Variants in ZNF148 observed in about 807,000 individuals in gnomAD.
ZNF148 encodes zinc finger protein 148.
Under a neutral mutation model 67.7 loss-of-function variants are expected in ZNF148, and 7 were observed. The ratio of observed to expected loss-of-function variants is 0.10; its 90% confidence interval spans 0.06 to 0.19. The LOEUF (loss-of-function observed/expected upper bound fraction) is 0.19, where lower values mean the gene tolerates loss of function less well. Ranked by LOEUF, ZNF148 falls within the 10% of genes least tolerant of loss-of-function variation. The probability of loss-of-function intolerance (pLI) is 1.00; values close to 1 mark genes in which losing one functional copy is unlikely to be tolerated. For missense variants in ZNF148, 583 were observed against 947.1 expected (o/e 0.62, Z 5.05); for synonymous variants, 333 against 330.7 (o/e 1.01, Z -0.08).
At chr3:125,254,069 A>G (rs1197528737) in intron 7 of ZNF148, among the ~76,000 whole-genome samples, 2 of 152,160 alleles carry the variant, frequency 1.3e-5, no homozygotes, top group Non-Finnish European at 2.9e-5. Context: ...TTTAGATTCA[A>G]TGCATTTAGT....
chr3:125,317,713 ATTTTT>A (rs71625788), intron 3 of ZNF148, among the ~76,000 whole-genome samples: 3 of 134,580 alleles, frequency 2.2e-5, no homozygotes, highest in Non-Finnish European at 4.7e-5. Flanking sequence ...ATATATATAT[ATTTTT>A]TTTTTTTTCT....
chr3:125,260,717 T>C (rs1266125617), intron 7 of ZNF148, among the ~76,000 whole-genome samples: 1 of 152,206 alleles, frequency 6.6e-6, no homozygotes, highest in Non-Finnish European at 1.5e-5. Flanking sequence ...CGCACAGAAC[T>C]ATACACTAAA....
chr3:125,258,621 TAAA>T, intron 7 of ZNF148, among the ~76,000 whole-genome samples: 1 of 152,038 alleles, frequency 6.6e-6, no homozygotes, highest in Non-Finnish European at 1.5e-5. Flanking sequence ...TTAGTAAGAA[TAAA>T]TACAAATTAA....
At chr3:125,234,109 G>T in intron 8 of ZNF148, 102 bp downstream of exon 8, 1 of 1,218,816 alleles carries the variant, frequency 8.2e-7, no homozygotes, top group Non-Finnish European at 1.1e-6. Context: ...GTAAGAGTTA[G>T]AAGGCCCCTT....
At chr3:125,374,022 C>T (rs1942978035) in intron 1 of ZNF148, among the ~76,000 whole-genome samples, 1 of 152,152 alleles carries the variant, frequency 6.6e-6, no homozygotes, top group Non-Finnish European at 1.5e-5. Flanking sequence ...ATAGTATTTA[C>T]CCAACCTCGG....
chr3:125,284,524 G>A (rs1282528118), intron 5 of ZNF148, among the ~76,000 whole-genome samples: 1 of 152,084 alleles, frequency 6.6e-6, no homozygotes, highest in Non-Finnish European at 1.5e-5. Flanking sequence ...GTGGATGGGG[G>A]AGAGCCCTAA....
At chr3:125,261,040 G>A (rs1363715297) in intron 7 of ZNF148, among the ~76,000 whole-genome samples, 6 of 152,124 alleles carry the variant, frequency 3.9e-5, no homozygotes, top group Non-Finnish European at 8.8e-5. Context: ...GGAGGTTTAT[G>A]GAAAGGAGAA....
At chr3:125,351,256 C>T (rs1942139274) in intron 1 of ZNF148, among the ~76,000 whole-genome samples, 1 of 151,912 alleles carries the variant, frequency 6.6e-6, no homozygotes, top group Non-Finnish European at 1.5e-5. Context: ...GTGGCAGGTG[C>T]CTGTAGTCCT....
chr3:125,313,198 G>C (rs1251287264), intron 4 of ZNF148, 110 bp downstream of exon 4: 4 of 808,850 alleles, frequency 4.9e-6, no homozygotes, highest in East Asian at 2.7e-5. Context: ...ATCTATTCAA[G>C]AACACTATTT....
chr3:125,230,762 AG>A lies in ZNF148; in HGVS notation c.*1578del, dbSNP rs1014639208. ...TTCATTTTCCAAGGGTATTAATTTT[AG>A]ATTTTCACTGGTGCTATATCAGGAT... On this transcript the variant is annotated 3_prime_UTR_variant, in exon 9 of 9. Transcript: ENST00000360647. 1 of 152,234 alleles carries A rather than the reference AG, an allele frequency of 6.6e-6. No homozygotes were observed. Among genetic ancestry groups the A allele is most frequent in the Non-Finnish European group, 1.5e-5 (1 of 67,976 alleles). The allele number at this position is 152,234 out of a possible 1,614,324, so 9.4% of individuals were successfully genotyped here.
At chr3:125,372,610 C>A (rs905818817) in intron 1 of ZNF148, among the ~76,000 whole-genome samples, 1 of 152,170 alleles carries the variant, frequency 6.6e-6, no homozygotes, top group Non-Finnish European at 1.5e-5. Flanking sequence ...AGTGGAACTG[C>A]AATAGGCAGG....
At chr3:125,344,048 T>C (rs1435889934) in intron 1 of ZNF148, 1 of 175,380 alleles carries the variant, frequency 5.7e-6, no homozygotes, top group Non-Finnish European at 1.2e-5. Context: ...TGTTATAGTT[T>C]AACAGTTCTG....
intron 2 of ZNF148, among the ~76,000 whole-genome samples, chr3:125,324,190 A>T (rs1479981380): frequency 6.6e-6 from 1 of 151,930 alleles, no homozygotes. Flanking sequence ...ATAATAAAAA[A>T]AATAAAAAGA....
At chr3:125,374,531 A>G (rs1260695207) in intron 1 of ZNF148, among the ~76,000 whole-genome samples, 1 of 151,836 alleles carries the variant, frequency 6.6e-6, no homozygotes, top group African/African-American at 2.4e-5. Flanking sequence ...AGACTCCTCC[A>G]CAGCCACCTC....
intron 7 of ZNF148, among the ~76,000 whole-genome samples, chr3:125,269,465 G>T (rs1026311620): frequency 1.4e-5 from 2 of 147,310 alleles, no homozygotes; most frequent in Non-Finnish European, 3.0e-5. Context: ...AAAAAAACAT[G>T]TTGGCGAAGC....
At chr3:125,323,168 A>G in intron 3 of ZNF148, 141 bp downstream of exon 3, 1 of 382,168 alleles carries the variant, frequency 2.6e-6, no homozygotes, top group Non-Finnish European at 4.6e-6. Context: ...GAAAAAAACT[A>G]GTTTCTTCCA....
rs555469089 is a variant in ZNF148 at position 125,341,645 on chromosome 3, GA to G, written c.-233-10408del. On this transcript the variant is annotated intron_variant, in intron 1 of 8. Transcript: ENST00000360647. ...TAAGCAAATAAATAAAAACTAAAAA[GA>G]AAAAAATTAAGACAACTAAAAAGTA... is the stretch of plus-strand genomic sequence containing the variant. 6.1e-4 allele frequency among the ~76,000 whole-genome samples: 92 copies of G among 151,964 alleles called. No individual in the cohort carries two copies. The East Asian group carries it at 6.6e-3, about 11-fold the overall frequency.
intron 4 of ZNF148, among the ~76,000 whole-genome samples, chr3:125,296,171 G>C (rs998276107): frequency 6.6e-6 from 1 of 150,964 alleles, no homozygotes; most frequent in African/African-American, 2.4e-5. Context: ...ACCCAGACTG[G>C]AGTGCAGTGG....
intron 5 of ZNF148, among the ~76,000 whole-genome samples, chr3:125,284,706 T>C (rs1173801007): frequency 6.6e-6 from 1 of 152,226 alleles, no homozygotes; most frequent in Non-Finnish European, 1.5e-5. Context: ...AAATTTGATA[T>C]TTAAAAGGTG....
Sources: gnomAD v4.1 joint callset for allele counts (sites outside exome capture counted in the v4.1 genomes callset) on GRCh38, gnomAD v4.1.1 for gene constraint, MANE v1.5 for transcripts, NCBI Gene and HGNC (gene_info 2026-07-23, HGNC 2026-07-21) for gene names.